The following SNTG1 variants were observed in gnomAD, a reference collection of about 807,000 sequenced individuals.
SNTG1 encodes the protein syntrophin gamma 1, also known as gamma-1-syntrophin.
In SNTG1, 39 loss-of-function variants were observed where a neutral mutation model predicts 74.7. The ratio of observed to expected loss-of-function variants is 0.52; its 90% confidence interval spans 0.40 to 0.68. The LOEUF (loss-of-function observed/expected upper bound fraction) is 0.68, where lower values mean the gene tolerates loss of function less well. Among genes scored for constraint, SNTG1 ranks in the 30% least tolerant of loss-of-function variants. The pLI is 0.00. For missense variants in SNTG1, 685 were observed against 609.5 expected (o/e 1.12, Z -1.30); for synonymous variants, 254 against 217.1 (o/e 1.17, Z -1.49).
chr8:50,239,529 T>C (rs1171875959), intron 2 of SNTG1, among the ~76,000 whole-genome samples: 1 of 152,176 alleles, frequency 6.6e-6, no homozygotes, highest in Non-Finnish European at 1.5e-5. Flanking sequence ...ATGGGGAAAC[T>C]GCCCCCATAA....
intron 12 of SNTG1, among the ~76,000 whole-genome samples, chr8:50,553,605 A>G (rs533858146): frequency 2.0e-5 from 3 of 152,308 alleles, no homozygotes; most frequent in South Asian, 4.1e-4. Context: ...GGGAACAGTC[A>G]GAAGATTGCC....
intron 1 of SNTG1, among the ~76,000 whole-genome samples, chr8:49,919,646 T>C (rs947521681): frequency 6.6e-6 from 1 of 152,118 alleles, no homozygotes; most frequent in African/African-American, 2.4e-5. Context: ...TTTACTATAT[T>C]ATTAACAAAT....
intron 2 of SNTG1, among the ~76,000 whole-genome samples, chr8:50,285,814 C>CAA (rs71235788): frequency 1.5e-5 from 2 of 133,998 alleles, no homozygotes; most frequent in Admixed American, 7.2e-5. Flanking sequence ...AATATATTTC[C>CAA]AAAAAAAAAA....
At chr8:50,097,969 A>T (rs182488667) in intron 1 of SNTG1, among the ~76,000 whole-genome samples, 8 of 152,278 alleles carry the variant, frequency 5.3e-5, no homozygotes, top group African/African-American at 1.9e-4. Flanking sequence ...ATATGTCTAA[A>T]GTTGTAAATA....
chr8:50,023,248 T>C (rs1357628382), intron 1 of SNTG1, among the ~76,000 whole-genome samples: 1 of 152,078 alleles, frequency 6.6e-6, no homozygotes, highest in Non-Finnish European at 1.5e-5. Flanking sequence ...ATATTAACAA[T>C]CAGAATTGGA....
At chr8:50,115,581 A>AAAAAAAAAAAAAAAAAAAAAAAAAAAC (rs1563617770) in intron 1 of SNTG1, among the ~76,000 whole-genome samples, 5 of 147,834 alleles carry the variant, frequency 3.4e-5, no homozygotes, top group African/African-American at 1.0e-4. Context: ...AAAAAAAAAA[A>AAAAAAAAAAAAAAAAAAAAAAAAAAAC]AAAAAACGAG....
chr8:50,247,026 C>T (rs1184455782), intron 2 of SNTG1, among the ~76,000 whole-genome samples: 1 of 152,172 alleles, frequency 6.6e-6, no homozygotes, highest in Non-Finnish European at 1.5e-5. Context: ...GCTTGTCACC[C>T]ACTGAATGGA....
intron 15 of SNTG1, among the ~76,000 whole-genome samples, chr8:50,660,751 G>A (rs2095218653): frequency 1.3e-5 from 2 of 152,190 alleles, no homozygotes; most frequent in East Asian, 3.9e-4. Flanking sequence ...GTTTACTATA[G>A]TAGTTAAAAA....
At chr8:50,430,314 C>G (rs748518075) in intron 4 of SNTG1, among the ~76,000 whole-genome samples, 2 of 152,030 alleles carry the variant, frequency 1.3e-5, no homozygotes, top group African/African-American at 2.4e-5. Flanking sequence ...TATTTTTATG[C>G]ATAAACATCA....
At chr8:50,339,442 G>T (rs182947567) in intron 2 of SNTG1, among the ~76,000 whole-genome samples, 7 of 151,972 alleles carry the variant, frequency 4.6e-5, no homozygotes, top group South Asian at 2.1e-4. Context: ...AATAACAATG[G>T]TCTATATGCT....
At chr8:50,084,673 G>A (rs912443856) in intron 1 of SNTG1, among the ~76,000 whole-genome samples, 3 of 152,134 alleles carry the variant, frequency 2.0e-5, no homozygotes, top group African/African-American at 7.2e-5. Flanking sequence ...TGGCTTAAAT[G>A]TCTCTGAAAA....
At position 50,795,153 on chromosome 8, in the gene SNTG1, G is replaced by A. The variant is rs532545498; in HGVS notation, c.*2324G>A. 1.2e-4 allele frequency: 18 copies of A among 151,792 alleles called. No homozygotes were observed. Among genetic ancestry groups the A allele is most frequent in the African/African-American group, 2.7e-4 (11 of 41,438 alleles). 9.4% of individuals were successfully genotyped at this position (151,792 alleles called of 1,614,324 possible). A position where few individuals can be genotyped will look rare whatever the true frequency, so the allele number is the denominator to read the frequency against. On this transcript the variant is annotated 3_prime_UTR_variant, in exon 19 of 19. Transcript: ENST00000642720. ...ATACATTTAATATACTTTAAATTAC[G>A]TTGTAAAATGTAGCTTGATTAAAAA...
At chr8:50,429,481 T>C (rs1340373862) in intron 4 of SNTG1, among the ~76,000 whole-genome samples, 1 of 152,122 alleles carries the variant, frequency 6.6e-6, no homozygotes, top group Non-Finnish European at 1.5e-5. Flanking sequence ...CAAAAGTTAA[T>C]TCAAACTGCA....
chr8:50,312,149 T>C (rs2130757898), intron 2 of SNTG1, among the ~76,000 whole-genome samples: 1 of 152,304 alleles, frequency 6.6e-6, no homozygotes, highest in Non-Finnish European at 1.5e-5. Context: ...GGGTTCAGTG[T>C]TCCTATTTTG....
At chr8:50,754,119 G>A (rs998000) in intron 18 of SNTG1, among the ~76,000 whole-genome samples, 5,538 of 152,036 alleles carry the variant, frequency 0.036, 274 homozygotes, top group African/African-American at 0.1. Flanking sequence ...TGAGCAGTAA[G>A]CTAACATACC....
At chr8:50,028,365 C>T (rs1190892965) in intron 1 of SNTG1, among the ~76,000 whole-genome samples, 1 of 151,690 alleles carries the variant, frequency 6.6e-6, no homozygotes, top group Admixed American at 6.6e-5. Flanking sequence ...CTGTTTTTTT[C>T]CCAAATATAT....
At chr8:50,650,289 T>C (rs993837070) in intron 13 of SNTG1, among the ~76,000 whole-genome samples, 1 of 152,128 alleles carries the variant, frequency 6.6e-6, no homozygotes, top group African/African-American at 2.4e-5. Context: ...GTGAATTATA[T>C]TGATGCTTTT....
intron 1 of SNTG1, among the ~76,000 whole-genome samples, chr8:50,163,314 A>G (rs1296761364): frequency 6.6e-6 from 1 of 152,078 alleles, no homozygotes; most frequent in Non-Finnish European, 1.5e-5. Context: ...TATATAACCT[A>G]TTGATTAGAA....
chr8:49,976,269 T>C (rs571223383), intron 1 of SNTG1, among the ~76,000 whole-genome samples: 1 of 152,326 alleles, frequency 6.6e-6, no homozygotes, highest in South Asian at 2.1e-4. Context: ...TTTTTTTGTT[T>C]CATAAAGTGA....
Sources: allele counts gnomAD v4.1 joint callset (sites outside exome capture counted in the v4.1 genomes callset), GRCh38; gene constraint gnomAD v4.1.1; transcripts MANE v1.5; gene names NCBI Gene and HGNC (gene_info 2026-07-23, HGNC 2026-07-21).